The following GABRB2 variants were observed in gnomAD, a reference collection of about 807,000 sequenced individuals.
GABRB2 encodes gamma-aminobutyric acid type A receptor subunit beta2.
GABRB2 carries 16 observed loss-of-function variants against 54.7 expected under a neutral mutation model. The ratio of observed to expected loss-of-function variants is 0.29; its 90% CI spans 0.20 to 0.44. The LOEUF is 0.44. GABRB2 is among the 20% of genes least tolerant of loss of function. The pLI is 1.00. For synonymous variants in GABRB2, 244 were observed against 233.8 expected (o/e 1.04, Z -0.40); for missense variants, 355 against 644.0 (o/e 0.55, Z 4.86).
At chr5:161,432,089 G>A (rs562455284) in intron 4 of GABRB2, among the ~76,000 whole-genome samples, 1 of 152,298 alleles carries the variant, frequency 6.6e-6, no homozygotes, top group East Asian at 1.9e-4. Flanking sequence ...TTAGCACACT[G>A]CTTTAACAAT....
At chr5:161,385,581 AC>A (rs1476268234) in intron 5 of GABRB2, among the ~76,000 whole-genome samples, 1 of 152,210 alleles carries the variant, frequency 6.6e-6, no homozygotes, top group Non-Finnish European at 1.5e-5. Flanking sequence ...TTTAAGAATC[AC>A]TATATTCATA....
At chr5:161,326,320 G>A in intron 9 of GABRB2, 48 bp downstream of exon 9, 1 of 1,605,420 alleles carries the variant, frequency 6.2e-7, no homozygotes, top group African/African-American at 1.3e-5. Context: ...TAAACAAATT[G>A]GCCCCAACAG....
At chr5:161,499,046 T>C (rs565714821) in intron 3 of GABRB2, among the ~76,000 whole-genome samples, 6 of 152,248 alleles carry the variant, frequency 3.9e-5, no homozygotes, top group African/African-American at 1.4e-4. Context: ...CTTCTTTGTT[T>C]GATCACCAAT....
intron 5 of GABRB2, among the ~76,000 whole-genome samples, chr5:161,371,953 C>T (rs772959310): frequency 1.3e-5 from 2 of 152,024 alleles, no homozygotes; most frequent in Non-Finnish European, 2.9e-5. Context: ...TGATCTTGAA[C>T]TCCTGGGCTC....
intron 4 of GABRB2, among the ~76,000 whole-genome samples, chr5:161,429,520 G>A (rs1302411872): frequency 6.6e-6 from 1 of 151,990 alleles, no homozygotes; most frequent in African/African-American, 2.4e-5. Context: ...AGTCAGCATG[G>A]AGTAGTGTGA....
At chr5:161,395,957 G>A (rs1249682050) in intron 5 of GABRB2, among the ~76,000 whole-genome samples, 1 of 152,136 alleles carries the variant, frequency 6.6e-6, no homozygotes, top group African/African-American at 2.4e-5. Flanking sequence ...TAAGTGGAAG[G>A]TCCAGGAAAT....
intron 4 of GABRB2, among the ~76,000 whole-genome samples, chr5:161,426,546 G>A (rs1420583673): frequency 6.6e-6 from 1 of 151,992 alleles, no homozygotes; most frequent in East Asian, 1.9e-4. Context: ...CTGTAATGCA[G>A]GGTTGTTTAA....
chr5:161,501,707 G>A (rs1344172708), intron 3 of GABRB2, among the ~76,000 whole-genome samples: 1 of 151,734 alleles, frequency 6.6e-6, no homozygotes, highest in Non-Finnish European at 1.5e-5. Flanking sequence ...TTTAAATATA[G>A]GTTTTCTCTT....
intron 5 of GABRB2, among the ~76,000 whole-genome samples, chr5:161,345,571 C>G (rs1303210307): frequency 6.6e-6 from 1 of 152,076 alleles, no homozygotes. Context: ...ATTTCAGTTA[C>G]TTGAAATATT....
chr5:161,521,564 C>T (rs184372606), intron 3 of GABRB2, among the ~76,000 whole-genome samples: 8 of 151,940 alleles, frequency 5.3e-5, no homozygotes, highest in East Asian at 1.9e-4. Context: ...CTCACAGAAA[C>T]GGTGGGAAAA....
rs1757267831 is a variant in GABRB2 at position 161,292,596 on chromosome 5, A to G, written c.*1485T>C. On this transcript the variant is annotated 3_prime_UTR_variant, in exon 10 of 10. Coordinates refer to ENST00000393959, the MANE Select transcript of GABRB2 (RefSeq NM_001371727.1). The stretch of plus-strand genomic sequence containing the variant: ...ATTAACAGTTATATATTTTTCTGCA[A>G]TATCAACTGAGGCTCATAACATTTA... 1 of 152,218 alleles carries G rather than the reference A, an allele frequency of 6.6e-6. No individual in the cohort carries two copies. The highest frequency in any genetic ancestry group is 2.1e-4 in the South Asian group (1 of 4,836). The allele number at this position is 152,218 out of a possible 1,614,324, so 9.4% of individuals were successfully genotyped here.
chr5:161,435,796 T>C (rs1283975251), intron 4 of GABRB2, among the ~76,000 whole-genome samples: 1 of 152,218 alleles, frequency 6.6e-6, no homozygotes, highest in East Asian at 1.9e-4. Context: ...ATAGATATAG[T>C]AGACGTGGAA....
intron 2 of GABRB2, among the ~76,000 whole-genome samples, chr5:161,546,021 C>T (rs1760974950): frequency 2.0e-5 from 3 of 152,194 alleles, no homozygotes; most frequent in East Asian, 1.9e-4. Context: ...ATTAACTAAA[C>T]TTAAGAGGTT....
At chr5:161,403,888 A>G (rs927559607) in intron 5 of GABRB2, among the ~76,000 whole-genome samples, 1 of 152,162 alleles carries the variant, frequency 6.6e-6, no homozygotes, top group African/African-American at 2.4e-5. Flanking sequence ...TTTAGTGCAA[A>G]CCTCAGAGGG....
chr5:161,401,256 C>T (rs1041706917), intron 5 of GABRB2, among the ~76,000 whole-genome samples: 8 of 152,028 alleles, frequency 5.3e-5, no homozygotes, highest in African/African-American at 7.3e-5. Flanking sequence ...AATTTGATAA[C>T]GTTATGTATT....
intron 5 of GABRB2, among the ~76,000 whole-genome samples, chr5:161,340,174 A>G (rs968662416): frequency 1.3e-5 from 2 of 152,040 alleles, no homozygotes; most frequent in Non-Finnish European, 2.9e-5. Context: ...GCGAATGTCT[A>G]TAGCATTTCA....
At chr5:161,466,289 G>C (rs1011002429) in intron 3 of GABRB2, among the ~76,000 whole-genome samples, 1 of 152,142 alleles carries the variant, frequency 6.6e-6, no homozygotes, top group African/African-American at 2.4e-5. Context: ...GGTTAAGGTA[G>C]CATCTGCTGG....
chr5:161,358,116 A>G (rs965808312), intron 5 of GABRB2, among the ~76,000 whole-genome samples: 1 of 152,204 alleles, frequency 6.6e-6, no homozygotes, highest in Non-Finnish European at 1.5e-5. Flanking sequence ...GATGAAAAGG[A>G]AACCACAAAG....
At chr5:161,416,668 G>T (rs1454344137) in intron 4 of GABRB2, among the ~76,000 whole-genome samples, 1 of 104,026 alleles carries the variant, frequency 9.6e-6, no homozygotes, top group Non-Finnish European at 1.9e-5. Context: ...CTGCACTCCA[G>T]CCTGGGCGGC....
Sources: allele counts gnomAD v4.1 joint callset (sites outside exome capture counted in the v4.1 genomes callset), GRCh38; gene constraint gnomAD v4.1.1; transcripts MANE v1.5; gene names NCBI Gene and HGNC (gene_info 2026-07-23, HGNC 2026-07-21).